Variants in AUTS2 observed in about 807,000 individuals in gnomAD.
AUTS2 encodes the protein activator of transcription and developmental regulator AUTS2, also known as autism susceptibility gene 2 protein.
Under a neutral mutation model 112.4 loss-of-function variants are expected in AUTS2, and 17 were observed. The ratio of observed to expected loss-of-function variants is 0.15; its 90% CI spans 0.10 to 0.23. The LOEUF (loss-of-function observed/expected upper bound fraction) is 0.23. Ranked by LOEUF, AUTS2 falls within the 10% of genes least tolerant of loss-of-function variation. The probability of loss-of-function intolerance (pLI) is 1.00; values close to 1 mark genes in which losing one functional copy is unlikely to be tolerated. For missense variants in AUTS2, 1,510 were observed against 1,701.6 expected (o/e 0.89, Z 1.98); for synonymous variants, 751 against 702.7 (o/e 1.07, Z -1.09).
At chr7:69,814,872 A>G (rs1319676419) in intron 1 of AUTS2, among the ~76,000 whole-genome samples, 2 of 152,240 alleles carry the variant, frequency 1.3e-5, no homozygotes, top group Non-Finnish European at 2.9e-5. Flanking sequence ...TGTGGCCAAC[A>G]GAAAAGCATT....
intron 4 of AUTS2, among the ~76,000 whole-genome samples, chr7:70,225,567 C>T (rs1404275): frequency 0.22 from 34,091 of 151,896 alleles, 3,793 homozygotes; most frequent in Middle Eastern, 0.33. Context: ...TGAGCTTTGG[C>T]CTTGCAAGTG....
At chr7:70,078,034 C>T (rs916686142) in intron 2 of AUTS2, among the ~76,000 whole-genome samples, 1 of 152,110 alleles carries the variant, frequency 6.6e-6, no homozygotes, top group African/African-American at 2.4e-5. Context: ...GTATCCTGGC[C>T]TATTTATCAC....
chr7:70,322,745 A>G (rs570724058), intron 4 of AUTS2, among the ~76,000 whole-genome samples: 2 of 152,330 alleles, frequency 1.3e-5, no homozygotes, highest in Admixed American at 1.3e-4. Flanking sequence ...ACAGTGGCTC[A>G]AAGTTCCAGA....
intron 5 of AUTS2, among the ~76,000 whole-genome samples, chr7:70,649,338 G>A (rs1806355686): frequency 6.6e-6 from 1 of 152,110 alleles, no homozygotes; most frequent in Non-Finnish European, 1.5e-5. Flanking sequence ...AGGTGGAGGT[G>A]GCAATGAGCC....
intron 14 of AUTS2, among the ~76,000 whole-genome samples, chr7:70,778,455 C>T (rs1026087857): frequency 7.3e-5 from 11 of 151,722 alleles, no homozygotes; most frequent in South Asian, 2.1e-4. Context: ...AAAAGGGTTA[C>T]GTGATTTTTA....
intron 4 of AUTS2, among the ~76,000 whole-genome samples, chr7:70,304,343 C>T (rs1789386725): frequency 6.6e-6 from 1 of 152,196 alleles, no homozygotes; most frequent in Non-Finnish European, 1.5e-5. Flanking sequence ...TCAGATTTCA[C>T]CAGCTTTTAT....
At chr7:70,129,333 C>T (rs1367762675) in intron 3 of AUTS2, among the ~76,000 whole-genome samples, 1 of 152,200 alleles carries the variant, frequency 6.6e-6, no homozygotes, top group East Asian at 1.9e-4. Context: ...GCCTTTTGTT[C>T]TTTTCAGACC....
intron 5 of AUTS2, among the ~76,000 whole-genome samples, chr7:70,563,063 G>A (rs1429540904): frequency 1.3e-5 from 2 of 152,146 alleles, no homozygotes; most frequent in South Asian, 4.1e-4. Flanking sequence ...AGACAGAATT[G>A]TAAAACTAAA....
intron 1 of AUTS2, among the ~76,000 whole-genome samples, chr7:69,705,329 A>G (rs964463431): frequency 6.6e-6 from 1 of 152,218 alleles, no homozygotes; most frequent in Non-Finnish European, 1.5e-5. Context: ...ACCTAGTGCT[A>G]GTACTAAGAG....
In AUTS2 at chr7:70,722,139, C is replaced by T. The variant is rs564641917; in HGVS notation, c.742+23519C>T. ...TGAAATTAAATATAGCCCCCAGTCC[C>T]GGCCCCAACCCCTTTTAAAATCTTT... is the stretch of plus-strand genomic sequence containing the variant. On this transcript the variant is annotated intron_variant, in intron 6 of 18. Coordinates refer to ENST00000342771, the MANE Select transcript of AUTS2 (RefSeq NM_015570.4). Among the ~76,000 whole-genome samples, 12 of 152,134 alleles carry T rather than the reference C, an allele frequency of 7.9e-5. 1 individual carries two copies. In the South Asian group the frequency reaches 1.7e-3, roughly 21 times the overall value.
At chr7:69,894,570 G>C (rs1307994312) in intron 1 of AUTS2, among the ~76,000 whole-genome samples, 1 of 152,082 alleles carries the variant, frequency 6.6e-6, no homozygotes, top group Non-Finnish European at 1.5e-5. Flanking sequence ...GCTAAAGGAA[G>C]ATAAGAGTTA....
At chr7:70,687,651 A>G (rs10486861) in intron 5 of AUTS2, among the ~76,000 whole-genome samples, 6,044 of 152,266 alleles carry the variant, frequency 0.04, 248 homozygotes, top group East Asian at 0.22. Flanking sequence ...ATCCATGATC[A>G]ATTGTAGCAA....
At chr7:70,747,112 T>C (rs1205037731) in intron 6 of AUTS2, among the ~76,000 whole-genome samples, 1 of 152,138 alleles carries the variant, frequency 6.6e-6, no homozygotes, top group African/African-American at 2.4e-5. Flanking sequence ...GACAAGGCCC[T>C]CAGGCAACAA....
intron 4 of AUTS2, among the ~76,000 whole-genome samples, chr7:70,251,398 G>A (rs1292949168): frequency 6.6e-6 from 1 of 152,086 alleles, no homozygotes; most frequent in Non-Finnish European, 1.5e-5. Context: ...AGTAAATTAA[G>A]TAAAAAGTTC....
chr7:69,758,606 T>C (rs1304533460), intron 1 of AUTS2, among the ~76,000 whole-genome samples: 1 of 152,206 alleles, frequency 6.6e-6, no homozygotes, highest in Admixed American at 6.5e-5. Context: ...TTCAGTGAAA[T>C]GTATCTAAAC....
chr7:70,446,402 C>G (rs1222120731), intron 5 of AUTS2, among the ~76,000 whole-genome samples: 1 of 152,230 alleles, frequency 6.6e-6, no homozygotes, highest in Non-Finnish European at 1.5e-5. Flanking sequence ...ATCTGTGTCA[C>G]TCAGCAGTGT....
chr7:69,972,635 T>C (rs2129548173), intron 2 of AUTS2, among the ~76,000 whole-genome samples: 1 of 151,890 alleles, frequency 6.6e-6, no homozygotes, highest in African/African-American at 2.4e-5. Context: ...GATATGAAAC[T>C]TAGGTCAAAG....
chr7:69,917,345 T>A (rs1470645445), intron 2 of AUTS2, among the ~76,000 whole-genome samples: 6 of 150,812 alleles, frequency 4.0e-5, no homozygotes, highest in Non-Finnish European at 8.8e-5. Flanking sequence ...TCAGACTTAA[T>A]CTATTTTCTA....
chr7:70,476,619 C>T (rs1038100654), intron 5 of AUTS2, among the ~76,000 whole-genome samples: 2 of 152,174 alleles, frequency 1.3e-5, no homozygotes, highest in Non-Finnish European at 2.9e-5. Flanking sequence ...CAGACTATAG[C>T]ATATCCATGT....
Sources: gnomAD v4.1 joint callset for allele counts (sites outside exome capture counted in the v4.1 genomes callset) on GRCh38, gnomAD v4.1.1 for gene constraint, MANE v1.5 for transcripts, NCBI Gene and HGNC (gene_info 2026-07-23, HGNC 2026-07-21) for gene names.